Variants in SSBP4 observed in about 807,000 individuals in gnomAD.
SSBP4 encodes the protein single stranded DNA binding protein 4, also known as single-stranded DNA-binding protein 4.
SSBP4 carries 33 observed loss-of-function variants against 64.6 expected under a neutral mutation model. The observed-to-expected ratio is 0.51, with a 90% CI of 0.39 to 0.68. SSBP4 has a LOEUF of 0.68. SSBP4 is among the 30% of genes least tolerant of loss of function. The pLI is 0.00. For synonymous variants in SSBP4, 243 were observed against 224.0 expected (o/e 1.08, Z -0.76); for missense variants, 583 against 566.8 (o/e 1.03, Z -0.29).
the SSBP4 span, among the ~76,000 whole-genome samples, chr19:18,410,691 C>G: frequency 6.6e-6 from 1 of 151,822 alleles, no homozygotes; most frequent in Non-Finnish European, 1.5e-5. Context: ...CACCGCTGAC[C>G]CTTGGGGTCT....
chr19:18,421,026 C>T (rs1972430295), intron 1 of SSBP4, among the ~76,000 whole-genome samples: 1 of 151,906 alleles, frequency 6.6e-6, no homozygotes, highest in African/African-American at 2.4e-5. Context: ...CCATGAGGAC[C>T]TGCCTTGAGG....
upstream of SSBP4, chr19:18,419,264 G>A (rs1972251080): frequency 3.0e-6 from 3 of 993,546 alleles, no homozygotes; most frequent in Admixed American, 6.0e-5. Flanking sequence ...CACCCCCCGC[G>A]GCGGGCACTG....
the SSBP4 span, among the ~76,000 whole-genome samples, chr19:18,405,779 T>G: frequency 1.3e-5 from 2 of 152,048 alleles, no homozygotes; most frequent in African/African-American, 4.8e-5. Flanking sequence ...CGAGGTCAGG[T>G]GATCGAGACC....
At position 18,430,873 on chromosome 19, in the gene SSBP4, G is replaced by A. The variant is rs566752839; in HGVS notation, c.312G>A (p.Gly104=). The A allele has an allele frequency of 5.0e-6, 8 of 1,613,300 alleles. No homozygotes were observed. In the Admixed American group the frequency reaches 6.7e-5, roughly 13 times the overall value. Residue 104 remains glycine (G), a synonymous_variant, in exon 5 of 18, where the codon GGG becomes GGA. Coordinates refer to ENST00000270061, the MANE Select transcript of SSBP4 (RefSeq NM_032627.5). ...CAGCCGCCCCCAGCCCCGTTATGGG[G>A]AGTATGGCCCCAGGTGACACAATGG... ...SAAAAPSPVM[G]SMAPGDTMAA... is the part of the protein sequence containing the mutation.
chr19:18,405,092 G>A, the SSBP4 span, among the ~76,000 whole-genome samples: 2 of 151,708 alleles, frequency 1.3e-5, no homozygotes, highest in African/African-American at 4.8e-5. Context: ...ACACCCTCAG[G>A]TCCTCAGAGC....
In SSBP4 at chr19:18,434,392, C is replaced by T. The variant is rs1173282373; in HGVS notation, c.*146C>T. On this transcript the variant is annotated 3_prime_UTR_variant, in exon 18 of 18. Transcript: ENST00000270061. ...GCTGGGAGGCCCCACACGAAAGACT[C>T]TTACCATTTTATTAAAAACGCAAGG... The T allele has an allele frequency of 9.4e-6, 13 of 1,383,242 alleles. No homozygotes were observed. Among genetic ancestry groups the T allele is most frequent in the Admixed American group, 2.9e-5 (1 of 34,020 alleles). 85.7% of individuals were successfully genotyped at this position (1,383,242 alleles called of 1,614,324 possible).
At chr19:18,417,657 C>G (rs1377266351), upstream of SSBP4, among the ~76,000 whole-genome samples, 1 of 152,176 alleles carries the variant, frequency 6.6e-6, no homozygotes, top group Non-Finnish European at 1.5e-5. This position sits in a 1 kb window ranked among gnomAD's most constrained non-coding sequence, Gnocchi z 5.4. Context: ...GTGCGGGCCC[C>G]TCCTACCCCG....
upstream of SSBP4, among the ~76,000 whole-genome samples, chr19:18,418,287 G>A (rs1259575399): frequency 2.0e-5 from 3 of 152,208 alleles, no homozygotes; most frequent in African/African-American, 7.2e-5. The surrounding 1 kb of genome is among the most constrained non-coding windows in gnomAD (Gnocchi z 6.7). Flanking sequence ...GGCAAACACA[G>A]AAACATCTAG....
At chr19:18,410,154 C>T in the SSBP4 span, among the ~76,000 whole-genome samples, 1 of 151,996 alleles carries the variant, frequency 6.6e-6, no homozygotes, top group Admixed American at 6.6e-5. Flanking sequence ...CCACCACGCC[C>T]GGCTAATTTT....
chr19:18,431,095 C>T (rs774434797), intron 5 of SSBP4, among the ~76,000 whole-genome samples, 165 bp downstream of exon 5: 1 of 152,172 alleles, frequency 6.6e-6, no homozygotes, highest in Non-Finnish European at 1.5e-5. Flanking sequence ...CAGGGGCCAG[C>T]GAGGGAGGGC....
the SSBP4 span, among the ~76,000 whole-genome samples, chr19:18,402,900 C>T: frequency 6.6e-6 from 1 of 152,154 alleles, no homozygotes; most frequent in South Asian, 2.1e-4. Context: ...AGGGTCTGTG[C>T]TGAGGAGGAT....
Position 18,434,277 on chromosome 19 carries a change from C to A in SSBP4, c.*31C>A, listed in dbSNP as rs565424877. The A allele has an allele frequency of 2.5e-6, 4 of 1,609,144 alleles. No individual in the cohort carries two copies. The highest frequency in any genetic ancestry group is 3.3e-5 in the Admixed American group (2 of 59,772). ...CGGCAGCCCCGGGCCTCTCTGCGGG[C>A]CTAGGCTTCTGCCCAGCGCCCCTGC... On this transcript the variant is annotated 3_prime_UTR_variant, in exon 18 of 18. Coordinates refer to ENST00000270061, the MANE Select transcript of SSBP4 (RefSeq NM_032627.5).
At position 18,431,437 on chromosome 19, in the gene SSBP4, TG is replaced by T. The variant is rs754426399; in HGVS notation, c.435+20del. Reference sequence around the variant, plus strand: ...CGGTCAGGTAAGGAGCTGTGGTGCCTGCCCCTCACACACACACATCCCCTCC... The same window carrying T: ...CGGTCAGGTAAGGAGCTGTGGTGCCTCCCCTCACACACACACATCCCCTCC... On this transcript the variant is annotated intron_variant, in intron 6 of 17. Transcript: ENST00000270061. The T allele has an allele frequency of 6.9e-6, 10 of 1,454,782 alleles. No individual in the cohort carries two copies. The African/African-American group carries it at 1.3e-4, about 19-fold the overall frequency. 90.1% of individuals were successfully genotyped at this position (1,454,782 alleles called of 1,614,324 possible).
rs551880763 is a variant in SSBP4, at chr19:18,423,278, G to A, written c.59+3571G>A. 2.0e-5 allele frequency among the ~76,000 whole-genome samples: 3 copies of A among 152,212 alleles called. No homozygotes were observed. On this transcript the variant is annotated intron_variant, in intron 1 of 17. Coordinates refer to ENST00000270061, the MANE Select transcript of SSBP4 (RefSeq NM_032627.5). This position sits in a 1 kb window ranked among gnomAD's most constrained non-coding sequence, Gnocchi z 4.0. ...GCCGGCACATGGATGTCGGTGGCTTGTTCATCAGCCTGGCAGGTAAGCCAG... is the reference window on the plus strand; with the variant it reads ...GCCGGCACATGGATGTCGGTGGCTTATTCATCAGCCTGGCAGGTAAGCCAG...
At chr19:18,409,039 C>A in the SSBP4 span, among the ~76,000 whole-genome samples, 5 of 152,202 alleles carry the variant, frequency 3.3e-5, no homozygotes, top group Middle Eastern at 3.4e-3. Context: ...GTCTCAAACT[C>A]CTGGCCTCAA....
chr19:18,415,241 C>A (rs143085501), upstream of SSBP4, among the ~76,000 whole-genome samples: 2 of 152,368 alleles, frequency 1.3e-5, no homozygotes, highest in East Asian at 3.9e-4. Context: ...CTCCCACGCA[C>A]GCACGGCTGG....
chr19:18,430,124 C>T (rs1198249385), intron 4 of SSBP4, among the ~76,000 whole-genome samples: 6 of 152,134 alleles, frequency 3.9e-5, no homozygotes, highest in African/African-American at 9.7e-5. Flanking sequence ...TTGGCCTGGA[C>T]CATACAGACA....
At chr19:18,420,598 GC>G (rs1245346352) in intron 1 of SSBP4, among the ~76,000 whole-genome samples, 1 of 152,116 alleles carries the variant, frequency 6.6e-6, no homozygotes, top group African/African-American at 2.4e-5. Context: ...GGTGGCTCAC[GC>G]CTGTAATCCC....
chr19:18,433,382 G>A, intron 15 of SSBP4, 169 bp downstream of exon 15: 2 of 1,269,700 alleles, frequency 1.6e-6, no homozygotes, highest in Non-Finnish European at 2.2e-6. Context: ...GGGGGATCCA[G>A]CGACCAAACC....
Sources: gnomAD v4.1 joint callset for allele counts (sites outside exome capture counted in the v4.1 genomes callset) on GRCh38, gnomAD v4.1.1 for gene constraint, Gnocchi (gnomAD v3.1) non-coding constraint, MANE v1.5 for transcripts, NCBI Gene and HGNC (gene_info 2026-07-23, HGNC 2026-07-21) for gene names.